The following COA1 variants were observed in gnomAD, a reference collection of about 807,000 sequenced individuals.
The protein encoded by COA1 is cytochrome c oxidase assembly factor 1 homolog.
COA1 carries 13 observed loss-of-function variants against 16.0 expected under a neutral mutation model. The ratio of observed to expected loss-of-function variants is 0.81; its 90% CI spans 0.53 to 1.29. The LOEUF (loss-of-function observed/expected upper bound fraction) is 1.29. Ranked by LOEUF, COA1 falls within the 50% of genes most tolerant of loss-of-function variation. The pLI, the probability that COA1 is intolerant of heterozygous loss-of-function variation, is 0.00. For missense variants in COA1, 179 were observed against 177.0 expected (o/e 1.01, Z -0.06); for synonymous variants, 65 against 65.7 (o/e 0.99, Z 0.05).
At chr7:43,703,759 C>G (rs1461861582) in intron 1 of COA1, among the ~76,000 whole-genome samples, 3 of 152,202 alleles carry the variant, frequency 2.0e-5, no homozygotes, top group African/African-American at 4.8e-5. Context: ...AGATGAGTCT[C>G]TTGAAAACAG....
chr7:43,657,091 G>C (rs2091837473), intron 1 of COA1: 1 of 152,170 alleles, frequency 6.6e-6, no homozygotes, highest in African/African-American at 2.4e-5. Flanking sequence ...CAGAGAATTT[G>C]AGTAATATAG....
chr7:43,725,470 T>C (rs2095597092), intron 1 of COA1, among the ~76,000 whole-genome samples: 1 of 152,184 alleles, frequency 6.6e-6, no homozygotes, highest in African/African-American at 2.4e-5. Context: ...AATGAAATCT[T>C]GGCCATTATA....
At chr7:43,658,018 CTG>C (rs1218157284) in intron 1 of COA1, among the ~76,000 whole-genome samples, 3 of 151,836 alleles carry the variant, frequency 2.0e-5, no homozygotes, top group Non-Finnish European at 2.9e-5. Flanking sequence ...GAGTATGACT[CTG>C]TGTCAAAAAA....
At chr7:43,647,487 A>G (rs748203303) in intron 3 of COA1, 48 bp downstream of exon 3, 9 of 1,199,808 alleles carry the variant, frequency 7.5e-6, no homozygotes, top group Admixed American at 1.7e-5. Context: ...GAGGAGCAGG[A>G]GCAGGCTAGG....
chr7:43,713,301 T>C (rs1585374296), intron 1 of COA1, among the ~76,000 whole-genome samples: 1 of 152,170 alleles, frequency 6.6e-6, no homozygotes, highest in Non-Finnish European at 1.5e-5. Context: ...ATTTAGCATG[T>C]CCATCATCTC....
chr7:43,714,629 CAA>C (rs575643573), intron 1 of COA1, among the ~76,000 whole-genome samples: 4 of 107,438 alleles, frequency 3.7e-5, no homozygotes, highest in Non-Finnish European at 2.0e-5. Flanking sequence ...AACTCCATCT[CAA>C]AAAAAAAAAA....
At chr7:43,725,895 T>C (rs1014557947) in intron 1 of COA1, among the ~76,000 whole-genome samples, 1 of 150,498 alleles carries the variant, frequency 6.6e-6, no homozygotes, top group African/African-American at 2.4e-5. Flanking sequence ...CTATATATAT[T>C]ACTACTACTG....
At chr7:43,719,704 G>GA (rs1440121609) in intron 1 of COA1, among the ~76,000 whole-genome samples, 2 of 152,180 alleles carry the variant, frequency 1.3e-5, no homozygotes, top group East Asian at 3.9e-4. Context: ...TGACTACTAT[G>GA]AAAATGTCCC....
intron 1 of COA1, among the ~76,000 whole-genome samples, chr7:43,694,134 A>G (rs2094457539): frequency 6.8e-6 from 1 of 148,108 alleles, no homozygotes; most frequent in African/African-American, 2.5e-5. Flanking sequence ...ACTGCACACT[A>G]GATCCCAGTT....
At chr7:43,647,328 C>G in intron 3 of COA1, 1 of 596,844 alleles carries the variant, frequency 1.7e-6, no homozygotes, top group East Asian at 2.8e-5. Flanking sequence ...TAGTCCTGGT[C>G]CTTTTATTTG....
intron 1 of COA1, among the ~76,000 whole-genome samples, chr7:43,656,830 G>T (rs377126599): frequency 8.9e-6 from 1 of 111,866 alleles, no homozygotes; most frequent in East Asian, 2.0e-4. Flanking sequence ...AAAAAGAAAA[G>T]AAAAGAAAAG....
intron 6 of COA1, chr7:43,624,781 C>G (rs764280193): frequency 6.2e-7 from 1 of 1,611,926 alleles, no homozygotes; most frequent in Non-Finnish European, 8.5e-7. Context: ...AAGGCCATTT[C>G]CAAACGATTT....
At chr7:43,688,476 T>C (rs2094135719) in intron 1 of COA1, among the ~76,000 whole-genome samples, 1 of 152,196 alleles carries the variant, frequency 6.6e-6, no homozygotes, top group African/African-American at 2.4e-5. Flanking sequence ...CTTTATCAAA[T>C]GTATCACTAT....
At chr7:43,713,949 T>C (rs1004922535) in intron 1 of COA1, among the ~76,000 whole-genome samples, 2 of 151,786 alleles carry the variant, frequency 1.3e-5, no homozygotes, top group African/African-American at 4.8e-5. Context: ...TGAGGCAGAA[T>C]TCCTTGAACC....
At chr7:43,638,108 T>A (rs2086208739), downstream of COA1, among the ~76,000 whole-genome samples, 1 of 152,194 alleles carries the variant, frequency 6.6e-6, no homozygotes, top group Admixed American at 6.5e-5. Flanking sequence ...GGGAGACACT[T>A]TTCACTGTAT....
exon 7 of COA1, chr7:43,609,338 G>A (rs1303377712): frequency 6.6e-6 from 1 of 152,312 alleles, no homozygotes; most frequent in Non-Finnish European, 1.5e-5. Context: ...TTTGGAACCA[G>A]TAAGTGTGCT....
At chr7:43,637,681 C>CA (rs1000804333), downstream of COA1, among the ~76,000 whole-genome samples, 1 of 152,150 alleles carries the variant, frequency 6.6e-6, no homozygotes, top group African/African-American at 2.4e-5. Context: ...CCCATAAAGG[C>CA]ATTAAGTGCA....
intron 1 of COA1, among the ~76,000 whole-genome samples, chr7:43,723,853 T>C (rs887164750): frequency 6.6e-6 from 1 of 152,060 alleles, no homozygotes; most frequent in Non-Finnish European, 1.5e-5. Flanking sequence ...CTTGAGCCCA[T>C]GAGGTCAAGG....
intron 6 of COA1, among the ~76,000 whole-genome samples, chr7:43,629,779 A>T (rs140225546): frequency 1.6e-3 from 248 of 152,340 alleles, no homozygotes; most frequent in Non-Finnish European, 3.0e-3. Context: ...TGATTTGCCC[A>T]AGAGCTCACA....
Sources: gnomAD v4.1 joint callset for allele counts (sites outside exome capture counted in the v4.1 genomes callset) on GRCh38, gnomAD v4.1.1 for gene constraint, MANE v1.5 for transcripts, NCBI Gene and HGNC (gene_info 2026-07-23, HGNC 2026-07-21) for gene names.